The following DVL2 variants were observed in gnomAD, a reference collection of about 807,000 sequenced individuals.
The protein encoded by DVL2 is segment polarity protein dishevelled homolog DVL-2.
In DVL2, 38 loss-of-function variants were observed where a neutral mutation model predicts 69.8. That is an observed-to-expected ratio of 0.54 (90% CI 0.42 to 0.71). The LOEUF is 0.71. Ranked by LOEUF, DVL2 falls within the 30% of genes least tolerant of loss-of-function variation. The pLI, the probability that DVL2 is intolerant of heterozygous loss-of-function variation, is 0.00. For missense variants in DVL2, 931 were observed against 1,008.1 expected (o/e 0.92, Z 1.04); for synonymous variants, 428 against 392.4 (o/e 1.09, Z -1.07).
In DVL2 at chr17:7,229,608, T is replaced by C; in HGVS notation, c.727A>G (p.Arg243Gly). Residue 243 changes from arginine to glycine, a missense_variant, in exon 6 of 15, where the codon AGG becomes GGG. Physicochemically the swap from Arg to Gly is moderately radical, Grantham distance 125. Around this residue, in one of 3 missense-constraint regions of DVL2, gnomAD observed 555 missense variants for 588.8 expected, o/e 0.94. Coordinates refer to ENST00000005340, the MANE Select transcript of DVL2 (RefSeq NM_004422.3). The surrounding 1 kb of genome is among the most constrained non-coding windows in gnomAD (Gnocchi z 4.4). Reference sequence around the variant, plus strand: ...CTCACCCTCTCCAGGCGGGGTGGCCTCTGCTTCCTTCGCCGCCGGTGGCGC... The same window carrying C: ...CTCACCCTCTCCAGGCGGGGTGGCCCCTGCTTCCTTCGCCGCCGGTGGCGC... ...LKRHRRRRKQ[R>G]PPRLERTSSF... 1 of 1,555,998 alleles carries C rather than the reference T, an allele frequency of 6.4e-7. No homozygotes were observed. The highest frequency in any genetic ancestry group is 8.7e-7 in the Non-Finnish European group (1 of 1,152,640).
chr17:7,234,134 GA>G lies in DVL2; in HGVS notation c.128del (p.Phe43SerfsTer25). 1 of 1,614,156 alleles carries G rather than the reference GA, an allele frequency of 6.2e-7. No homozygotes were observed. Among genetic ancestry groups the G allele is most frequent in the East Asian group, 2.2e-5 (1 of 44,868 alleles). Reference sequence around the variant, plus strand: ...CCGCGGGCCGCTGCAGGACGCTCTTGAAATCGCCGAGGGTGATGCGCTCGGC... The same window carrying G: ...CCGCGGGCCGCTGCAGGACGCTCTTGAATCGCCGAGGGTGATGCGCTCGGC... ...VPAERITLGD[F>X]KSVLQRPAGA... On this transcript the variant is annotated frameshift_variant, in exon 1 of 15. Transcript: ENST00000005340. LOFTEE classifies it high-confidence loss of function.
In DVL2 at chr17:7,234,259, C is replaced by T; in HGVS notation, c.4G>A (p.Ala2Thr). 1 of 1,611,436 alleles carries T rather than the reference C, an allele frequency of 6.2e-7. No homozygotes were observed. The highest frequency in any genetic ancestry group is 8.5e-7 in the Non-Finnish European group (1 of 1,178,820). ...CCACCGCCCCCAGTGCTGCTACCCG[C>T]CATGGTCTCGCCCGCGCGCTCCCGG... M[A>T]GSSTGGGGVG... The change falls in exon 1 of 15, where the codon GCG (alanine) becomes ACG (threonine). Residue 2 changes from alanine (A) to threonine (T), a missense_variant. Ala to Thr is a moderately conservative substitution (Grantham distance 58, BLOSUM62 0). This residue lies in a region of DVL2 where 555 missense variants were observed against 588.8 expected (regional missense o/e 0.94). Coordinates refer to ENST00000005340, the MANE Select transcript of DVL2 (RefSeq NM_004422.3).
At position 7,229,072 on chromosome 17, in the gene DVL2, G is replaced by C; in HGVS notation, c.958-27C>G. Reference sequence around the variant, plus strand: ...TGGAAGCGACGGCAAGTGGGTCAGAGACACGGTGGGAGAGGCTGAGGGCCC... The same window carrying C: ...TGGAAGCGACGGCAAGTGGGTCAGACACACGGTGGGAGAGGCTGAGGGCCC... On this transcript the variant is annotated intron_variant, in intron 8 of 14. Transcript: ENST00000005340. This position sits in a 1 kb window ranked among gnomAD's most constrained non-coding sequence, Gnocchi z 4.4. 6.2e-7 allele frequency: 1 copy of C among 1,614,170 alleles called. No individual in the cohort carries two copies.
Position 7,227,999 on chromosome 17 carries a change from C to A in DVL2, c.1080G>T (p.Gln360His). 2 of 1,563,826 alleles carry A rather than the reference C, an allele frequency of 1.3e-6. No individual in the cohort carries two copies. Among genetic ancestry groups the A allele is most frequent in the South Asian group, 2.4e-5 (2 of 82,136 alleles). ...CACTTCGGGGGAGAGTGAAATAGGC[C>A]TGAGGAGAGGGATCCCAGCACTTGG... ...TVAKCWDPSPQAYFTLPRNEP... is the reference protein window; with the variant it reads ...TVAKCWDPSPHAYFTLPRNEP... The change falls in exon 10 of 15, where the codon CAG becomes CAT. Residue 360 changes from glutamine to histidine, a missense_variant. This residue lies in a region of DVL2 where 555 missense variants were observed against 588.8 expected (regional missense o/e 0.94). Transcript: ENST00000005340.
At position 7,225,691 on chromosome 17, in the gene DVL2, C is replaced by G. The variant is rs561594573; in HGVS notation, c.*174G>C. 3.3e-4 allele frequency: 209 copies of G among 628,882 alleles called. 1 individual carries two copies. The highest frequency in any genetic ancestry group is 5.1e-4 in the Non-Finnish European group (182 of 356,526). 39.0% of individuals were successfully genotyped at this position (628,882 alleles called of 1,614,324 possible). On this transcript the variant is annotated 3_prime_UTR_variant, in exon 15 of 15. Transcript: ENST00000005340. ...AAATAATCAAAGGTCCCTTGTCTAC[C>G]CCTGAGGGAAGGGGGAGGAACCAGG...
intron 13 of DVL2, 127 bp downstream of exon 13, chr17:7,226,963 T>C: frequency 1.1e-6 from 1 of 947,490 alleles, no homozygotes; most frequent in South Asian, 1.6e-5. Flanking sequence ...CAGGACCTAG[T>C]GCGGGACACA....
Position 7,226,071 on chromosome 17 carries a change from G to T in DVL2, c.2005C>A (p.Pro669Thr). 6.2e-7 allele frequency: 1 copy of T among 1,600,860 alleles called. No homozygotes were observed. The highest frequency in any genetic ancestry group is 8.5e-7 in the Non-Finnish European group (1 of 1,172,814). The change falls in exon 15 of 15, where the codon CCG becomes ACG. Residue 669 changes from proline (P) to threonine (T), a missense_variant. Coordinates refer to ENST00000005340, the MANE Select transcript of DVL2 (RefSeq NM_004422.3). The stretch of plus-strand genomic sequence containing the variant: ...TAGGGGAGGGCCATGCCAGGGGGCG[G>T]TCCATAGGGATGGAGCCCTGGGTGG... ...RAHPGLHPYG[P>T]PPGMALPYNP...
In DVL2 at chr17:7,227,469, G is replaced by A; in HGVS notation, c.1298C>T (p.Pro433Leu). The part of the protein sequence containing the change: ...MASVTKAMAA[P>L]ESGLEVRDRM... ...GTCCCGGACTTCCAGTCCAGACTCTGGAGCTGCCATGGCCTTGGTCACCGA... is the reference window on the plus strand; with the variant it reads ...GTCCCGGACTTCCAGTCCAGACTCTAGAGCTGCCATGGCCTTGGTCACCGA... The change falls in exon 12 of 15, where the codon CCA becomes CTA. Residue 433 changes from proline (P) to leucine (L), a missense_variant. Coordinates refer to ENST00000005340, the MANE Select transcript of DVL2 (RefSeq NM_004422.3). 6.2e-7 allele frequency: 1 copy of A among 1,614,240 alleles called. No individual in the cohort carries two copies. The highest frequency in any genetic ancestry group is 8.5e-7 in the Non-Finnish European group (1 of 1,180,038).
Position 7,225,634 on chromosome 17 carries a change from C to A in DVL2, c.*231G>T. 5.4e-6 allele frequency: 3 copies of A among 551,006 alleles called. No homozygotes were observed. Among genetic ancestry groups the A allele is most frequent in the Non-Finnish European group, 9.6e-6 (3 of 313,538 alleles). The allele number at this position is 551,006 out of a possible 1,614,324, so 34.1% of individuals were successfully genotyped here. A position where few individuals can be genotyped will look rare whatever the true frequency, so the allele number is the denominator to read the frequency against. ...AAAATGTAAGAAACTCTATTTTAACCCCCAAAAAGGCTTATAAAAAAACAA... is the reference window on the plus strand; with the variant it reads ...AAAATGTAAGAAACTCTATTTTAACACCCAAAAAGGCTTATAAAAAAACAA... On this transcript the variant is annotated 3_prime_UTR_variant, in exon 15 of 15. Transcript: ENST00000005340.
chr17:7,230,463 C>T (rs199768324), intron 2 of DVL2, 33 bp from the exon 3 acceptor site: 2 of 1,609,744 alleles, frequency 1.2e-6, no homozygotes, highest in East Asian at 4.5e-5. Context: ...CAGTGGCTCA[C>T]TTGGGAGTCA....
In DVL2 at chr17:7,226,655, A is replaced by G. The variant is rs2074222; in HGVS notation, c.1544-16T>C. 0.61 allele frequency: 921,496 copies of G among 1,506,842 alleles called. 284,531 individuals are homozygous for G. Among genetic ancestry groups the G allele is most frequent in the Middle Eastern group, 0.7 (3,739 of 5,376 alleles). 93.3% of individuals were successfully genotyped at this position (1,506,842 alleles called of 1,614,324 possible). A position where few individuals can be genotyped will look rare whatever the true frequency, so the allele number is the denominator to read the frequency against. On this transcript the variant is annotated splice_polypyrimidine_tract_variant and intron_variant, in intron 13 of 14. Transcript: ENST00000005340. ...TTGACTAGGTCTGGAAAGCAAGGGAAGAGAGGAAGAAATCACTGCTTCAAG... is the reference window on the plus strand; with the variant it reads ...TTGACTAGGTCTGGAAAGCAAGGGAGGAGAGGAAGAAATCACTGCTTCAAG...
intron 9 of DVL2, 181 bp from the exon 10 acceptor site, chr17:7,228,225 A>C: frequency 1.8e-6 from 1 of 544,140 alleles, no homozygotes; most frequent in Non-Finnish European, 3.3e-6. Flanking sequence ...AACATGGAAA[A>C]CTCTTAAAAA....
intron 1 of DVL2, 158 bp downstream of exon 1, chr17:7,233,911 G>C (rs2071589658): frequency 1.3e-6 from 1 of 762,792 alleles, no homozygotes; most frequent in Non-Finnish European, 2.2e-6. Context: ...GCATAACCTT[G>C]TCCATCCTGG....
Position 7,234,103 on chromosome 17 carries a change from T to G in DVL2, c.160A>C (p.Lys54Gln), listed in dbSNP as rs761035601. The G allele has an allele frequency of 1.9e-6, 3 of 1,614,032 alleles. No homozygotes were observed. The highest frequency in any genetic ancestry group is 1.1e-5 in the South Asian group (1 of 91,086). ...TGATCCATAGACTTGAAAAAGTACT[T>G]GGCGCCCGCGGGCCGCTGCAGGACG... ...KSVLQRPAGAKYFFKSMDQDF... is the reference protein window; with the variant it reads ...KSVLQRPAGAQYFFKSMDQDF... The change falls in exon 1 of 15, where the codon AAG becomes CAG. Residue 54 changes from lysine to glutamine, a missense_variant. Around this residue, in one of 3 missense-constraint regions of DVL2, gnomAD observed 555 missense variants for 588.8 expected, o/e 0.94. Transcript: ENST00000005340.
chr17:7,228,089 G>C, intron 9 of DVL2, 45 bp from the exon 10 acceptor site: 114 of 1,459,450 alleles, frequency 7.8e-5, no homozygotes, highest in Non-Finnish European at 9.6e-5. Context: ...GGAAGAGGAG[G>C]CCTCAGGAGG....
At chr17:7,228,942 G>A (rs376510005) in intron 9 of DVL2, 27 bp downstream of exon 9, 2 of 1,609,710 alleles carry the variant, frequency 1.2e-6, no homozygotes, top group East Asian at 2.2e-5. Context: ...AGAGGACTGA[G>A]GACCGGCAAC....
At position 7,234,436 on chromosome 17, in the gene DVL2, CGCGGGGT is replaced by C. The variant is rs1423737576; in HGVS notation, c.-181_-175del. ...GCGAGGGTGGCGGCGGGGGGCGGGC[CGCGGGGT>C]GCGACTCAAAGCCCCGGTCTCAGCG... On this transcript the variant is annotated 5_prime_UTR_variant, in exon 1 of 15. Coordinates refer to ENST00000005340, the MANE Select transcript of DVL2 (RefSeq NM_004422.3). The C allele has an allele frequency of 1.3e-6, 1 of 747,864 alleles. No individual in the cohort carries two copies. Among genetic ancestry groups the C allele is most frequent in the Non-Finnish European group, 2.0e-6 (1 of 493,384 alleles). The allele number at this position is 747,864 out of a possible 1,614,324, so 46.3% of individuals were successfully genotyped here.
rs1051807447 is a variant in DVL2 at position 7,228,724 on chromosome 17, G to A, written c.1034+245C>T. On this transcript the variant is annotated intron_variant, in intron 9 of 14. Coordinates refer to ENST00000005340, the MANE Select transcript of DVL2 (RefSeq NM_004422.3). Reference sequence around the variant, plus strand: ...AGCCACCTCACTAGCTGGGACTACAGGCATGTGCCACCATGCCCACTTAAT... The same window carrying A: ...AGCCACCTCACTAGCTGGGACTACAAGCATGTGCCACCATGCCCACTTAAT... 1.2e-5 allele frequency: 6 copies of A among 484,214 alleles called. No individual in the cohort carries two copies. The Admixed American group carries it at 1.7e-4, about 14-fold the overall frequency. 30.0% of individuals were successfully genotyped at this position (484,214 alleles called of 1,614,324 possible).
chr17:7,232,588 A>G (rs1201693889), intron 1 of DVL2, among the ~76,000 whole-genome samples: 3 of 152,218 alleles, frequency 2.0e-5, no homozygotes, highest in Admixed American at 6.5e-5. Flanking sequence ...GATTTTCTCC[A>G]TGTCACAGAT....
Sources: allele counts gnomAD v4.1 joint callset (sites outside exome capture counted in the v4.1 genomes callset), GRCh38; gene constraint gnomAD v4.1.1; regional missense constraint gnomAD v4.1.1; non-coding constraint Gnocchi (gnomAD v3.1); transcripts MANE v1.5; gene names NCBI Gene and HGNC (gene_info 2026-07-23, HGNC 2026-07-21).